The following SUFU variants were observed in gnomAD, a reference collection of about 807,000 sequenced individuals.
The protein encoded by SUFU is SUFU negative regulator of hedgehog signaling, also known as suppressor of fused homolog.
In SUFU, 7 loss-of-function variants were observed where a neutral mutation model predicts 58.9. The observed-to-expected ratio is 0.12, with a 90% confidence interval of 0.07 to 0.22. SUFU has a LOEUF of 0.22. SUFU is among the 10% of genes least tolerant of loss of function. SUFU has a pLI of 1.00. For missense variants in SUFU, 451 were observed against 641.3 expected (o/e 0.70, Z 3.20); for synonymous variants, 232 against 254.8 (o/e 0.91, Z 0.85).
At chr10:102,544,775 C>T (rs2062836340) in intron 2 of SUFU, among the ~76,000 whole-genome samples, 1 of 152,192 alleles carries the variant, frequency 6.6e-6, no homozygotes, top group South Asian at 2.1e-4. Context: ...ACTCCCCATT[C>T]TGTCCTCACC....
intron 2 of SUFU, among the ~76,000 whole-genome samples, chr10:102,511,121 C>CAAAAAA (rs1403399470): frequency 1.5e-5 from 1 of 66,444 alleles, no homozygotes; most frequent in Non-Finnish European, 3.1e-5. Context: ...AACTCCATCT[C>CAAAAAA]AAAAAAAAAA....
rs2063832687 is a variant in SUFU, at chr10:102,630,962, G to C, written c.*807G>C. The C allele has an allele frequency of 8.6e-6, 2 of 233,572 alleles. No homozygotes were observed. Among genetic ancestry groups the C allele is most frequent in the African/African-American group, 4.4e-5 (2 of 45,328 alleles). The allele number at this position is 233,572 out of a possible 1,614,324, so 14.5% of individuals were successfully genotyped here. The stretch of plus-strand genomic sequence containing the variant: ...TGCAGCTTTGAGCCTAGTTTAGCTG[G>C]GGCCAGGGAGGGGTGCTACTGTTTT... On this transcript the variant is annotated 3_prime_UTR_variant, in exon 12 of 12. Transcript: ENST00000369902.
chr10:102,504,084 C>T lies in SUFU; in HGVS notation c.-69C>T. On this transcript the variant is annotated 5_prime_UTR_variant, in exon 1 of 12. Coordinates refer to ENST00000369902, the MANE Select transcript of SUFU (RefSeq NM_016169.4). Reference sequence around the variant, plus strand: ...GAGTCTCACCCACCGAGTCCGCCCGCTGGCCCGTCAGTGCTCTCCCCGTCG... The same window carrying T: ...GAGTCTCACCCACCGAGTCCGCCCGTTGGCCCGTCAGTGCTCTCCCCGTCG... 2.7e-6 allele frequency: 4 copies of T among 1,486,600 alleles called. No homozygotes were observed. Among genetic ancestry groups the T allele is most frequent in the Middle Eastern group, 2.4e-4 (1 of 4,152 alleles). 92.1% of individuals were successfully genotyped at this position (1,486,600 alleles called of 1,614,324 possible).
intron 2 of SUFU, among the ~76,000 whole-genome samples, chr10:102,533,469 G>A (rs952451399): frequency 6.6e-6 from 1 of 152,054 alleles, no homozygotes; most frequent in East Asian, 1.9e-4. Context: ...AGCTATTTGG[G>A]AGGTTGAGGT....
At chr10:102,513,560 G>C (rs1298758003) in intron 2 of SUFU, among the ~76,000 whole-genome samples, 1 of 152,216 alleles carries the variant, frequency 6.6e-6, no homozygotes, top group East Asian at 1.9e-4. Flanking sequence ...TTATAATATT[G>C]AGTAATAAAT....
chr10:102,527,030 T>C (rs1159625204), intron 2 of SUFU, among the ~76,000 whole-genome samples: 21 of 139,746 alleles, frequency 1.5e-4, no homozygotes, highest in African/African-American at 2.7e-5. Flanking sequence ...GGAGTCTCGC[T>C]CTGTCGCCCA....
intron 1 of SUFU, among the ~76,000 whole-genome samples, chr10:102,506,013 G>A (rs941394211): frequency 6.4e-5 from 9 of 139,792 alleles, no homozygotes; most frequent in African/African-American, 1.6e-4. Flanking sequence ...TGTGGGGAGC[G>A]TAGCCAGACC....
intron 2 of SUFU, among the ~76,000 whole-genome samples, chr10:102,542,886 A>G (rs2062818747): frequency 6.6e-6 from 1 of 152,140 alleles, no homozygotes; most frequent in Non-Finnish European, 1.5e-5. Flanking sequence ...TGGCCTCCCA[A>G]AGTGCTGGAA....
At chr10:102,567,450 G>A (rs1016176862) in intron 3 of SUFU, among the ~76,000 whole-genome samples, 35 of 152,198 alleles carry the variant, frequency 2.3e-4, no homozygotes, top group Admixed American at 5.9e-4. Flanking sequence ...GGTCTCCACC[G>A]CCAGGCCTGT....
chr10:102,616,937 C>T (rs2063692777), intron 9 of SUFU, among the ~76,000 whole-genome samples: 1 of 152,218 alleles, frequency 6.6e-6, no homozygotes, highest in African/African-American at 2.4e-5. Context: ...CCCCCTCTTA[C>T]CTCTGGGCAT....
chr10:102,597,056 T>A, intron 6 of SUFU, 84 bp from the exon 7 acceptor site: 1 of 1,517,470 alleles, frequency 6.6e-7, no homozygotes, highest in East Asian at 2.3e-5. Context: ...CAGTAAATAC[T>A]GTAAGAGCAG....
At chr10:102,571,590 T>C (rs2135803561) in intron 3 of SUFU, among the ~76,000 whole-genome samples, 1 of 152,348 alleles carries the variant, frequency 6.6e-6, no homozygotes, top group East Asian at 1.9e-4. Context: ...CTTGGGAGAC[T>C]AAGGCAGGAG....
chr10:102,597,352 G>A (rs1237990911), intron 7 of SUFU, 59 bp downstream of exon 7: 2 of 1,584,428 alleles, frequency 1.3e-6, no homozygotes, highest in Non-Finnish European at 8.6e-7. Flanking sequence ...CCAGGGCCTG[G>A]TTTCCAGTCT....
At chr10:102,546,922 CAT>C (rs1167297040) in intron 2 of SUFU, among the ~76,000 whole-genome samples, 5 of 152,268 alleles carry the variant, frequency 3.3e-5, no homozygotes, top group Non-Finnish European at 5.9e-5. Context: ...ATGGTGGACA[CAT>C]GCGTGTGCAC....
At position 102,630,259 on chromosome 10, in the gene SUFU, T is replaced by G. The variant is rs1475864542; in HGVS notation, c.*104T>G. On this transcript the variant is annotated 3_prime_UTR_variant, in exon 12 of 12. Coordinates refer to ENST00000369902, the MANE Select transcript of SUFU (RefSeq NM_016169.4). ...AGATCTCCACAAATAAAAGGACAAG[T>G]GTGAGGAAGACTGCGCAGTGCCACC... 1.1e-5 allele frequency: 12 copies of G among 1,078,028 alleles called. No individual in the cohort carries two copies. The highest frequency in any genetic ancestry group is 1.5e-5 in the Non-Finnish European group (11 of 711,114). The allele number at this position is 1,078,028 out of a possible 1,614,324, so 66.8% of individuals were successfully genotyped here.
intron 10 of SUFU, chr10:102,618,924 CAGGT>C (rs1038999823): frequency 6.3e-6 from 5 of 791,008 alleles, no homozygotes; most frequent in African/African-American, 2.2e-5. Flanking sequence ...CAAGTGTCCT[CAGGT>C]AGCGTGTGTG....
intron 3 of SUFU, among the ~76,000 whole-genome samples, chr10:102,560,388 G>T (rs1445621981): frequency 6.6e-6 from 1 of 151,964 alleles, no homozygotes; most frequent in Non-Finnish European, 1.5e-5. Context: ...TGGCCAACAT[G>T]ATGAAACCCC....
chr10:102,521,547 A>T (rs532231486), intron 2 of SUFU, among the ~76,000 whole-genome samples: 4 of 152,118 alleles, frequency 2.6e-5, no homozygotes, highest in Non-Finnish European at 5.9e-5. Flanking sequence ...GTCTTCCATA[A>T]AGTGTAGCTG....
At position 102,630,465 on chromosome 10, in the gene SUFU, G is replaced by A; in HGVS notation, c.*310G>A. 4.2e-6 allele frequency: 2 copies of A among 475,380 alleles called. No individual in the cohort carries two copies. Among genetic ancestry groups the A allele is most frequent in the South Asian group, 4.1e-5 (2 of 48,478 alleles). The allele number at this position is 475,380 out of a possible 1,614,324, so 29.4% of individuals were successfully genotyped here. Reference sequence around the variant, plus strand: ...GTTTGAGGTTTGACTCTGGACCCTGGCTGTGCCCCTAGGTGGAGACAGCCC... The same window carrying A: ...GTTTGAGGTTTGACTCTGGACCCTGACTGTGCCCCTAGGTGGAGACAGCCC... On this transcript the variant is annotated 3_prime_UTR_variant, in exon 12 of 12. Coordinates refer to ENST00000369902, the MANE Select transcript of SUFU (RefSeq NM_016169.4).
Sources: gnomAD v4.1 joint callset for allele counts (sites outside exome capture counted in the v4.1 genomes callset) on GRCh38, gnomAD v4.1.1 for gene constraint, MANE v1.5 for transcripts, NCBI Gene and HGNC (gene_info 2026-07-23, HGNC 2026-07-21) for gene names.